Variants in AMD1 observed in about 807,000 individuals in gnomAD.
AMD1 encodes S-adenosylmethionine decarboxylase proenzyme.
In AMD1, 11 loss-of-function variants were observed where a neutral mutation model predicts 40.2. The ratio of observed to expected loss-of-function variants is 0.27; its 90% CI spans 0.17 to 0.45. The LOEUF (loss-of-function observed/expected upper bound fraction) is 0.45, where lower values mean the gene tolerates loss of function less well. Among genes scored for constraint, AMD1 ranks in the 20% least tolerant of loss-of-function variants. AMD1 has a pLI of 1.00. For missense variants in AMD1, 257 were observed against 410.2 expected (o/e 0.63, Z 3.23); for synonymous variants, 121 against 130.8 (o/e 0.93, Z 0.51).
At chr6:110,822,699 T>G in the AMD1 span, among the ~76,000 whole-genome samples, 1 of 152,090 alleles carries the variant, frequency 6.6e-6, no homozygotes. Context: ...TATAGCAAAC[T>G]AAATCTAATA....
At chr6:110,852,060 T>C in the AMD1 span, among the ~76,000 whole-genome samples, 2 of 151,322 alleles carry the variant, frequency 1.3e-5, no homozygotes, top group Non-Finnish European at 2.9e-5. Context: ...TTTTTTGTTT[T>C]TTTTTTTTTT....
At chr6:110,828,008 A>G in the AMD1 span, among the ~76,000 whole-genome samples, 2 of 152,224 alleles carry the variant, frequency 1.3e-5, no homozygotes, top group African/African-American at 4.8e-5. Context: ...ACACAGTAAC[A>G]CAATAAGCTA....
chr6:110,854,552 G>A, the AMD1 span, among the ~76,000 whole-genome samples: 19 of 151,928 alleles, frequency 1.3e-4, no homozygotes, highest in African/African-American at 4.3e-4. Flanking sequence ...GGGTTCAAAC[G>A]ATTCTCCTGC....
chr6:110,894,780 A>G lies in AMD1; in HGVS notation c.*1164A>G, dbSNP rs1372930992. Reference sequence around the variant, plus strand: ...CAATGTCTTTTCCATCTCGTGACTTAAAGTTCTGTGACTGTGATGCATGTG... The same window carrying G: ...CAATGTCTTTTCCATCTCGTGACTTGAAGTTCTGTGACTGTGATGCATGTG... On this transcript the variant is annotated 3_prime_UTR_variant, in exon 9 of 9. Coordinates refer to ENST00000368885, the MANE Select transcript of AMD1 (RefSeq NM_001634.6). 1 of 152,184 alleles carries G rather than the reference A, an allele frequency of 6.6e-6. No individual in the cohort carries two copies. The highest frequency in any genetic ancestry group is 2.4e-5 in the African/African-American group (1 of 41,448). The allele number at this position is 152,184 out of a possible 1,614,324, so 9.4% of individuals were successfully genotyped here. A position where few individuals can be genotyped will look rare whatever the true frequency, so the allele number is the denominator to read the frequency against.
At chr6:110,838,756 G>A in the AMD1 span, among the ~76,000 whole-genome samples, 2 of 152,098 alleles carry the variant, frequency 1.3e-5, no homozygotes, top group African/African-American at 4.8e-5. Context: ...CAACTCGAGA[G>A]GCTGAGGCAG....
At chr6:110,887,282 T>C (rs536683325) in intron 1 of AMD1, among the ~76,000 whole-genome samples, 16 of 152,334 alleles carry the variant, frequency 1.1e-4, no homozygotes, top group East Asian at 9.6e-4. Context: ...TTAAGTAATT[T>C]GTAAATACAT....
intron 1 of AMD1, among the ~76,000 whole-genome samples, chr6:110,876,377 A>C (rs1206742465): frequency 6.6e-6 from 1 of 152,144 alleles, no homozygotes; most frequent in East Asian, 1.9e-4. Flanking sequence ...GGCGGCGACC[A>C]ATGGGCTCCT....
At chr6:110,828,042 AC>A in the AMD1 span, among the ~76,000 whole-genome samples, 3 of 152,224 alleles carry the variant, frequency 2.0e-5, no homozygotes, top group Non-Finnish European at 4.4e-5. Context: ...AAGTTGATTA[AC>A]CCACTATCAA....
rs1186390701 is a variant in AMD1 at position 110,874,979 on chromosome 6, A to T, written c.-127A>T. ...AAAGTTAATATAAAATTATAGCAAA[A>T]AAAAAAAGGAACCTGAACTTTAGTA... On this transcript the variant is annotated 5_prime_UTR_variant, in exon 1 of 9. Transcript: ENST00000368885. 5 of 674,936 alleles carry T rather than the reference A, an allele frequency of 7.4e-6. No individual in the cohort carries two copies. Among genetic ancestry groups the T allele is most frequent in the Non-Finnish European group, 1.2e-5 (5 of 408,122 alleles). 41.8% of individuals were successfully genotyped at this position (674,936 alleles called of 1,614,324 possible).
chr6:110,830,580 G>C, the AMD1 span, among the ~76,000 whole-genome samples: 1 of 152,188 alleles, frequency 6.6e-6, no homozygotes, highest in Non-Finnish European at 1.5e-5. Flanking sequence ...TTAAAACTGG[G>C]TATAAATATG....
chr6:110,871,207 ATTTTAATAAGTG>A (rs1784913983), upstream of AMD1, among the ~76,000 whole-genome samples: 1 of 152,230 alleles, frequency 6.6e-6, no homozygotes, highest in African/African-American at 2.4e-5. Flanking sequence ...CCCCTGGAGA[ATTTTAATAAGTG>A]TCATAATTGG....
intron 1 of AMD1, 81 bp downstream of exon 1, chr6:110,875,296 A>G (rs1785033355): frequency 8.6e-7 from 1 of 1,156,186 alleles, no homozygotes; most frequent in South Asian, 1.3e-5. Flanking sequence ...GTGGAGCCCG[A>G]GTTCCCTCAG....
chr6:110,841,719 C>T, the AMD1 span, among the ~76,000 whole-genome samples: 3 of 149,990 alleles, frequency 2.0e-5, no homozygotes, highest in Non-Finnish European at 3.0e-5. Flanking sequence ...GAATAAACTT[C>T]CCATGCCCCC....
the AMD1 span, chr6:110,858,685 G>A: frequency 2.0e-6 from 2 of 981,492 alleles, no homozygotes; most frequent in South Asian, 2.6e-5. Context: ...ACTCGGAGAA[G>A]CAGGAGCCGA....
chr6:110,875,346 G>A, intron 1 of AMD1, 131 bp downstream of exon 1: 1 of 768,622 alleles, frequency 1.3e-6, no homozygotes, highest in Non-Finnish European at 2.1e-6. Flanking sequence ...GGGTCGCTTC[G>A]GCGGCCTTGG....
chr6:110,878,292 G>A (rs1026156071), intron 1 of AMD1, among the ~76,000 whole-genome samples: 3 of 152,104 alleles, frequency 2.0e-5, no homozygotes, highest in Admixed American at 1.3e-4. Flanking sequence ...TTTTGTGTGT[G>A]GTGTGAGGGA....
At chr6:110,857,661 TATATATACAGATGGC>T in the AMD1 span, among the ~76,000 whole-genome samples, 1 of 139,490 alleles carries the variant, frequency 7.2e-6, no homozygotes, top group Non-Finnish European at 1.5e-5. Flanking sequence ...AGATGGTATA[TATATATACAGATGGC>T]ATATATATAT....
chr6:110,891,247 T>C (rs563459485), intron 4 of AMD1: 2 of 152,448 alleles, frequency 1.3e-5, no homozygotes, highest in Admixed American at 1.3e-4. Flanking sequence ...AATCTTGCTG[T>C]GTTGCCCAGG....
chr6:110,841,363 G>A, the AMD1 span, among the ~76,000 whole-genome samples: 5 of 152,328 alleles, frequency 3.3e-5, no homozygotes, highest in Middle Eastern at 6.8e-3. Flanking sequence ...CCTAACCTAT[G>A]TAGCTGTTAG....
Sources: gnomAD v4.1 joint callset for allele counts (sites outside exome capture counted in the v4.1 genomes callset) on GRCh38, gnomAD v4.1.1 for gene constraint, MANE v1.5 for transcripts, NCBI Gene and HGNC (gene_info 2026-07-23, HGNC 2026-07-21) for gene names.